The following ZBTB38 variants were observed in gnomAD, a reference collection of about 807,000 sequenced individuals.
The protein encoded by ZBTB38 is zinc finger and BTB domain-containing protein 38.
In ZBTB38, 20 loss-of-function variants were observed where a neutral mutation model predicts 76.8. The ratio of observed to expected loss-of-function variants is 0.26; its 90% CI spans 0.18 to 0.38. The LOEUF is 0.38. Ranked by LOEUF, ZBTB38 falls within the 10% of genes least tolerant of loss-of-function variation. ZBTB38 has a pLI of 1.00. For missense variants in ZBTB38, 1,082 were observed against 1,482.3 expected (o/e 0.73, Z 4.43); for synonymous variants, 504 against 544.2 (o/e 0.93, Z 1.03).
At position 141,446,083 on chromosome 3, in the gene ZBTB38, T is replaced by TAA. The variant is rs200973051; in HGVS notation, c.*120_*121dup. 3,587 of 695,728 alleles carry TAA rather than the reference T, an allele frequency of 5.2e-3. No individual in the cohort carries two copies. Among genetic ancestry groups the TAA allele is most frequent in the East Asian group, 0.016 (474 of 28,740 alleles). The allele number at this position is 695,728 out of a possible 1,614,324, so 43.1% of individuals were successfully genotyped here. ...TGTGACAGTCATGAAGGAGTGAAAT[T>TAA]AAAAAAAAAAAAAACTCATTTGTGA... On this transcript the variant is annotated 3_prime_UTR_variant, in exon 6 of 6. Transcript: ENST00000321464.
chr3:141,377,146 T>C (rs1945490890), intron 2 of ZBTB38, among the ~76,000 whole-genome samples: 1 of 152,248 alleles, frequency 6.6e-6, no homozygotes, highest in African/African-American at 2.4e-5. Flanking sequence ...CAAGAGGCAC[T>C]GCCTCAAAGA....
At chr3:141,402,512 GGGCGCGGCGCCCGTGGCGCC>G (rs1952495095) in intron 4 of ZBTB38, 1 of 147,120 alleles carries the variant, frequency 6.8e-6, no homozygotes, top group African/African-American at 2.6e-5. Flanking sequence ...CGCGGCCTGC[GGGCGCGGCGCCCGTGGCGCC>G]GCCAGCCCGA....
At chr3:141,387,799 A>C (rs1947544405) in intron 4 of ZBTB38, 1 of 152,250 alleles carries the variant, frequency 6.6e-6, no homozygotes, top group Admixed American at 6.5e-5. Flanking sequence ...GTGAGCAAGA[A>C]GACAGAGAAA....
intron 1 of ZBTB38, among the ~76,000 whole-genome samples, chr3:141,332,709 G>C (rs945762026): frequency 7.2e-5 from 11 of 152,166 alleles, no homozygotes; most frequent in Admixed American, 1.3e-4. Flanking sequence ...CAGATGGAGT[G>C]GGGGAGGGAT....
At chr3:141,336,956 A>C (rs1348877346) in intron 1 of ZBTB38, among the ~76,000 whole-genome samples, 1 of 152,236 alleles carries the variant, frequency 6.6e-6, no homozygotes, top group Non-Finnish European at 1.5e-5. Context: ...GTGTGTTAGC[A>C]TCATCTTGCT....
intron 2 of ZBTB38, among the ~76,000 whole-genome samples, chr3:141,381,003 T>C (rs1946121145): frequency 6.6e-6 from 1 of 152,220 alleles, no homozygotes; most frequent in Admixed American, 6.5e-5. Context: ...CTTTTCAGCC[T>C]AGTTGCCAGT....
intron 1 of ZBTB38, among the ~76,000 whole-genome samples, chr3:141,324,742 G>A (rs1485848663): frequency 1.3e-5 from 2 of 152,164 alleles, no homozygotes; most frequent in South Asian, 2.1e-4. Context: ...TTGGAGAATA[G>A]GTATGAATGT....
chr3:141,342,725 C>CTTT (rs60578286), intron 1 of ZBTB38, among the ~76,000 whole-genome samples: 2 of 108,812 alleles, frequency 1.8e-5, no homozygotes, highest in Admixed American at 9.8e-5. Flanking sequence ...GTCCCATGAT[C>CTTT]TTTTTTTTTT....
intron 1 of ZBTB38, among the ~76,000 whole-genome samples, chr3:141,337,129 C>G (rs148693018): frequency 1.3e-5 from 2 of 152,340 alleles, no homozygotes; most frequent in East Asian, 3.9e-4. Context: ...TTTCTACCTT[C>G]AAGACCCTTT....
At chr3:141,406,016 G>A (rs1954259591) in intron 5 of ZBTB38, among the ~76,000 whole-genome samples, 1 of 152,214 alleles carries the variant, frequency 6.6e-6, no homozygotes, top group Non-Finnish European at 1.5e-5. Flanking sequence ...ATTTGAGATA[G>A]GAGGACTAGT....
chr3:141,379,661 C>T (rs1454937613), intron 2 of ZBTB38, among the ~76,000 whole-genome samples: 1 of 152,166 alleles, frequency 6.6e-6, no homozygotes, highest in Non-Finnish European at 1.5e-5. Context: ...AGTTTCAAAA[C>T]CATACTGAAC....
At chr3:141,427,087 G>T (rs1293781251) in intron 5 of ZBTB38, among the ~76,000 whole-genome samples, 1 of 152,098 alleles carries the variant, frequency 6.6e-6, no homozygotes, top group Non-Finnish European at 1.5e-5. Flanking sequence ...CTGACACTGG[G>T]TCTGGAAAGC....
intron 5 of ZBTB38, among the ~76,000 whole-genome samples, chr3:141,408,844 G>A (rs1955596947): frequency 6.6e-6 from 1 of 152,160 alleles, no homozygotes; most frequent in South Asian, 2.1e-4. Context: ...ATGGCCTGGA[G>A]CCTTTCCTAG....
chr3:141,411,214 A>G (rs1489273072), intron 5 of ZBTB38, among the ~76,000 whole-genome samples: 1 of 152,242 alleles, frequency 6.6e-6, no homozygotes, highest in Non-Finnish European at 1.5e-5. Flanking sequence ...CAGTCTCCCC[A>G]TACTTTTGTG....
At chr3:141,360,987 A>G (rs1447181949) in intron 1 of ZBTB38, among the ~76,000 whole-genome samples, 1 of 152,154 alleles carries the variant, frequency 6.6e-6, no homozygotes, top group Non-Finnish European at 1.5e-5. Context: ...TCAATGTCAA[A>G]TCTGTAAATT....
chr3:141,343,397 C>A (rs1404829756), intron 1 of ZBTB38, among the ~76,000 whole-genome samples: 1 of 152,012 alleles, frequency 6.6e-6, no homozygotes, highest in Non-Finnish European at 1.5e-5. Context: ...GGTGTTAGGT[C>A]ATGAGAGCCA....
rs182101211 is a variant in ZBTB38, at chr3:141,384,548, C to G, written c.-171-2324C>G. Among the ~76,000 whole-genome samples the G allele has an allele frequency of 3.2e-4, 49 of 152,324 alleles. 1 individual carries two copies. Among genetic ancestry groups the G allele is most frequent in the Admixed American group, 2.7e-3 (41 of 15,298 alleles). Reference sequence around the variant, plus strand: ...AGAGCATTCAATGCCTAGGTGTTTGCGTCAACCTCCTCCCACCCCACTCTA... The same window carrying G: ...AGAGCATTCAATGCCTAGGTGTTTGGGTCAACCTCCTCCCACCCCACTCTA... On this transcript the variant is annotated intron_variant, in intron 3 of 5. Coordinates refer to ENST00000321464, the MANE Select transcript of ZBTB38 (RefSeq NM_001376113.1).
At chr3:141,386,834 C>G (rs1285152571) in intron 3 of ZBTB38, 38 bp from the exon 4 acceptor site, 1 of 152,616 alleles carries the variant, frequency 6.6e-6, no homozygotes, top group East Asian at 1.9e-4. Context: ...TCTTGCATCA[C>G]CAGTTGATGA....
chr3:141,378,404 C>A (rs1437468238), intron 2 of ZBTB38, among the ~76,000 whole-genome samples: 2 of 152,082 alleles, frequency 1.3e-5, no homozygotes, highest in African/African-American at 4.8e-5. Flanking sequence ...CTGGTAAAAT[C>A]ACATAAGACT....
Sources: allele counts gnomAD v4.1 joint callset (sites outside exome capture counted in the v4.1 genomes callset), GRCh38; gene constraint gnomAD v4.1.1; transcripts MANE v1.5; gene names NCBI Gene and HGNC (gene_info 2026-07-23, HGNC 2026-07-21).